Variants in MLLT10 observed in about 807,000 individuals in gnomAD.
The protein encoded by MLLT10 is MLLT10 histone lysine methyltransferase DOT1L cofactor.
A neutral mutation model predicts 129.1 loss-of-function variants in MLLT10; 30 were observed. The ratio of observed to expected loss-of-function variants is 0.23; its 90% CI spans 0.17 to 0.32. The LOEUF is 0.32. Ranked by LOEUF, MLLT10 falls within the 10% of genes least tolerant of loss-of-function variation. The pLI is 1.00. For missense variants in MLLT10, 1,119 were observed against 1,268.3 expected, an observed-to-expected ratio of 0.88 and a Z score of 1.79; for synonymous variants, 490 against 446.4, an observed-to-expected ratio of 1.10 and a Z score of -1.23.
In MLLT10 at chr10:21,730,923, T is replaced by C. The variant is rs748778026; in HGVS notation, c.2087T>C (p.Ile696Thr). 1 of 1,614,174 alleles carries C rather than the reference T, an allele frequency of 6.2e-7. No homozygotes were observed. Among genetic ancestry groups the C allele is most frequent in the African/African-American group, 1.3e-5 (1 of 75,054 alleles). ...AGATCCCCTGTAAGCAGCTTACAGA[T>C]TCGCTATGATCAACCAGGCAACAGC... is the stretch of plus-strand genomic sequence containing the variant. ...SPRSPVSSLQ[I>T]RYDQPGNSSL... is the part of the protein sequence containing the mutation. Residue 696 changes from isoleucine to threonine, a missense_variant, in exon 17 of 23, where the codon ATT becomes ACT. Physicochemically the swap from Ile to Thr is moderately conservative, Grantham distance 89. This residue lies in a region of MLLT10 where 1,004 missense variants were observed against 1,008.7 expected (regional missense o/e 1.00). Transcript: ENST00000307729.
chr10:21,641,351 A>G (rs888154979), intron 8 of MLLT10, among the ~76,000 whole-genome samples: 2 of 152,248 alleles, frequency 1.3e-5, no homozygotes, highest in Non-Finnish European at 2.9e-5. Context: ...TTCTATGCAT[A>G]GAGACATAGA....
chr10:21,597,877 CAGTT>C (rs2043166462), intron 5 of MLLT10, among the ~76,000 whole-genome samples: 1 of 152,158 alleles, frequency 6.6e-6, no homozygotes, highest in Non-Finnish European at 1.5e-5. Flanking sequence ...TGCATCCTAT[CAGTT>C]GGTACATAAT....
rs1194153036 is a variant in MLLT10, at chr10:21,713,855, C to T, written c.1783C>T (p.His595Tyr). 3 of 1,614,000 alleles carry T rather than the reference C, an allele frequency of 1.9e-6. No homozygotes were observed. The highest frequency in any genetic ancestry group is 1.3e-5 in the African/African-American group (1 of 74,916). Residue 595 changes from histidine (H) to tyrosine (Y), a missense_variant, in exon 14 of 23, where the codon CAC (histidine) becomes TAC (tyrosine). Physicochemically the swap from His to Tyr is moderately conservative, Grantham distance 83. This residue lies in a region of MLLT10 where 1,004 missense variants were observed against 1,008.7 expected (regional missense o/e 1.00). Transcript: ENST00000307729. ...SGSSTPVSSSHLPQQSSGHLQ... is the reference protein window; with the variant it reads ...SGSSTPVSSSYLPQQSSGHLQ... ...ATCTAGTACTCCTGTCTCCAGCTCTCACTTACCTCAGCAGTCTTCTGGGCA... is the reference window on the plus strand; with the variant it reads ...ATCTAGTACTCCTGTCTCCAGCTCTTACTTACCTCAGCAGTCTTCTGGGCA...
At chr10:21,568,120 G>C (rs2039801300) in intron 3 of MLLT10, among the ~76,000 whole-genome samples, 1 of 152,176 alleles carries the variant, frequency 6.6e-6, no homozygotes, top group Non-Finnish European at 1.5e-5. Flanking sequence ...ACCCGGCCTT[G>C]TTGGGGGTTC....
chr10:21,548,934 C>G (rs1047832491), intron 3 of MLLT10, among the ~76,000 whole-genome samples: 1 of 151,936 alleles, frequency 6.6e-6, no homozygotes, highest in African/African-American at 2.4e-5. Flanking sequence ...TGATAGATGT[C>G]TTTATATATT....
chr10:21,738,987 C>G (rs2058611874), intron 21 of MLLT10, among the ~76,000 whole-genome samples: 1 of 152,150 alleles, frequency 6.6e-6, no homozygotes, highest in South Asian at 2.1e-4. Flanking sequence ...GCTGGCATAT[C>G]TTAAAAGACA....
chr10:21,738,409 T>G, intron 21 of MLLT10: 1 of 1,288,978 alleles, frequency 7.8e-7, no homozygotes, highest in Non-Finnish European at 1.0e-6. Context: ...TAATAGCATG[T>G]GTAGCTGTCT....
chr10:21,613,132 T>G (rs1286011889), intron 6 of MLLT10, among the ~76,000 whole-genome samples: 2 of 142,072 alleles, frequency 1.4e-5, no homozygotes. Context: ...AGGTGGAGTT[T>G]GCAGTGAACC....
At chr10:21,535,214 C>T (rs1158643591) in intron 2 of MLLT10, among the ~76,000 whole-genome samples, 1 of 152,074 alleles carries the variant, frequency 6.6e-6, no homozygotes, top group Non-Finnish European at 1.5e-5. Context: ...GCCCTCTTCT[C>T]CCCTGGCCTG....
intron 8 of MLLT10, chr10:21,625,787 G>T (rs2046372240): frequency 1.3e-6 from 1 of 767,774 alleles, no homozygotes; most frequent in African/African-American, 1.7e-5. Flanking sequence ...AGCTTCCTGT[G>T]CAGCTTCCTT....
At chr10:21,688,657 ATGCCTG>A in intron 13 of MLLT10, 1 of 706,062 alleles carries the variant, frequency 1.4e-6, no homozygotes, top group Non-Finnish European at 2.2e-6. Context: ...AAAAAAAATG[ATGCCTG>A]AAAGGAATTA....
intron 14 of MLLT10, among the ~76,000 whole-genome samples, chr10:21,723,238 A>G (rs965938083): frequency 6.6e-6 from 1 of 152,142 alleles, no homozygotes. Flanking sequence ...TTTAGTATAT[A>G]TAGATCTAAT....
In MLLT10 at chr10:21,659,212, AT is replaced by A. The variant is rs942915797; in HGVS notation, c.795+7451del. On this transcript the variant is annotated intron_variant, in intron 9 of 22. Coordinates refer to ENST00000307729, the MANE Select transcript of MLLT10 (RefSeq NM_001195626.3). Reference sequence around the variant, plus strand: ...ATTCTTTATGAAATTTAGTTTATGAATTTTTTTGTGTTTTCTTTTACAAGCT... The same window carrying A: ...ATTCTTTATGAAATTTAGTTTATGAATTTTTTGTGTTTTCTTTTACAAGCT... 4.1e-4 allele frequency among the ~76,000 whole-genome samples: 62 copies of A among 151,902 alleles called. 2 individuals are homozygous for A.
chr10:21,712,828 G>T (rs983993741), intron 13 of MLLT10, among the ~76,000 whole-genome samples: 7 of 152,236 alleles, frequency 4.6e-5, no homozygotes, highest in African/African-American at 1.7e-4. Context: ...CCCTGGTTGA[G>T]AACGGCTGGT....
At chr10:21,676,417 C>CAAAAAA (rs113829023) in intron 11 of MLLT10, among the ~76,000 whole-genome samples, 7 of 129,586 alleles carry the variant, frequency 5.4e-5, no homozygotes, top group East Asian at 2.3e-4. Flanking sequence ...GACTCCGTCT[C>CAAAAAA]AAAAAAAAAA....
chr10:21,558,131 A>G (rs2130986146), intron 3 of MLLT10, among the ~76,000 whole-genome samples: 1 of 151,548 alleles, frequency 6.6e-6, no homozygotes, highest in South Asian at 2.1e-4. Context: ...TTGTATTTTT[A>G]GTAGAGATGG....
chr10:21,558,301 C>T (rs1430163141), intron 3 of MLLT10, among the ~76,000 whole-genome samples: 2 of 151,456 alleles, frequency 1.3e-5, no homozygotes, highest in Admixed American at 6.6e-5. Flanking sequence ...TTGTAGACTG[C>T]CTCAAATCCT....
chr10:21,576,874 G>A (rs1392837654), intron 3 of MLLT10, among the ~76,000 whole-genome samples: 15 of 150,808 alleles, frequency 9.9e-5, no homozygotes, highest in Non-Finnish European at 1.6e-4. Flanking sequence ...CAGGTGAATC[G>A]CCCGCCTCGG....
intron 8 of MLLT10, among the ~76,000 whole-genome samples, chr10:21,646,853 C>T (rs185411437): frequency 0.029 from 3,992 of 139,860 alleles, 183 homozygotes; most frequent in African/African-American, 0.098. Context: ...TGACTATTCC[C>T]TTTTTTTTTT....
Sources: gnomAD v4.1 joint callset for allele counts (sites outside exome capture counted in the v4.1 genomes callset) on GRCh38, gnomAD v4.1.1 for gene constraint, gnomAD v4.1.1 regional missense constraint, MANE v1.5 for transcripts, NCBI Gene and HGNC (gene_info 2026-07-23, HGNC 2026-07-21) for gene names.